Variants in TNFAIP6 observed in about 807,000 individuals in gnomAD.
TNFAIP6 encodes the protein TNF alpha induced protein 6, also known as tumor necrosis factor-inducible gene 6 protein.
Under a neutral mutation model 33.7 loss-of-function variants are expected in TNFAIP6, and 36 were observed. The observed-to-expected ratio is 1.07, with a 90% CI of 0.82 to 1.41. The LOEUF (loss-of-function observed/expected upper bound fraction) is 1.41. Among genes scored for constraint, TNFAIP6 ranks in the 40% most tolerant of loss-of-function variants. The pLI is 0.00. For synonymous variants in TNFAIP6, 113 were observed against 112.8 expected (o/e 1.00, Z -0.01); for missense variants, 273 against 331.9 (o/e 0.82, Z 1.38).
chr2:151,360,199 G>C (rs1409531051), intron 1 of TNFAIP6, among the ~76,000 whole-genome samples: 2 of 152,158 alleles, frequency 1.3e-5, no homozygotes, highest in Admixed American at 1.3e-4. Context: ...TCAGGAGGCT[G>C]AAGTGGAAGG....
At chr2:151,365,571 G>A (rs538222479) in intron 2 of TNFAIP6, among the ~76,000 whole-genome samples, 32 of 152,166 alleles carry the variant, frequency 2.1e-4, no homozygotes, top group Middle Eastern at 3.4e-3. Flanking sequence ...CCCAGGAGGC[G>A]GAGGTTGGAG....
intron 1 of TNFAIP6, among the ~76,000 whole-genome samples, chr2:151,359,499 C>G (rs1684589071): frequency 6.6e-6 from 1 of 151,754 alleles, no homozygotes; most frequent in Admixed American, 6.6e-5. Context: ...CGCCATTCTC[C>G]TGCCTCAGCC....
chr2:151,373,600 A>G lies in TNFAIP6; in HGVS notation c.664+11A>G. ...ACATCATCAGTACAGGTAAGGTTTT[A>G]AATTGAGGACCAAAACTATGATTTG... On this transcript the variant is annotated intron_variant, in intron 5 of 5. Coordinates refer to ENST00000243347, the MANE Select transcript of TNFAIP6 (RefSeq NM_007115.4). 1 of 1,500,452 alleles carries G rather than the reference A, an allele frequency of 6.7e-7. No homozygotes were observed. The highest frequency in any genetic ancestry group is 9.0e-7 in the Non-Finnish European group (1 of 1,110,286). 92.9% of individuals were successfully genotyped at this position (1,500,452 alleles called of 1,614,324 possible).
rs542316443 is a variant in TNFAIP6, at chr2:151,374,384, T to G, written c.664+795T>G. Among the ~76,000 whole-genome samples, 210 of 152,320 alleles carry G rather than the reference T, an allele frequency of 1.4e-3. 1 individual carries two copies. The highest frequency in any genetic ancestry group is 4.4e-3 in the African/African-American group (182 of 41,562). ...CTAAAAACTTCCTTTCTTACATGTA[T>G]TCAGTATTTTATTTTATTTCCATCA... On this transcript the variant is annotated intron_variant, in intron 5 of 5. Transcript: ENST00000243347.
At chr2:151,371,600 T>C (rs1684816718) in intron 4 of TNFAIP6, among the ~76,000 whole-genome samples, 1 of 151,802 alleles carries the variant, frequency 6.6e-6, no homozygotes, top group South Asian at 2.1e-4. Flanking sequence ...TTTCTTTTTT[T>C]TTTTCTTTTT....
chr2:151,368,807 G>A (rs1352137679), intron 3 of TNFAIP6, among the ~76,000 whole-genome samples: 2 of 152,056 alleles, frequency 1.3e-5, no homozygotes, highest in African/African-American at 4.8e-5. Context: ...AAGTGCTTGT[G>A]GCCCTGAAGA....
At chr2:151,379,335 T>C in intron 5 of TNFAIP6, 29 bp from the exon 6 acceptor site, 1 of 1,566,770 alleles carries the variant, frequency 6.4e-7, no homozygotes. Flanking sequence ...AGTAACATCT[T>C]TGTTCTTTTG....
At chr2:151,365,135 G>T (rs1306542498) in intron 2 of TNFAIP6, among the ~76,000 whole-genome samples, 1 of 152,132 alleles carries the variant, frequency 6.6e-6, no homozygotes, top group African/African-American at 2.4e-5. Context: ...GAGCTCAGGA[G>T]TTCAAGACCA....
chr2:151,377,501 GTTTT>G, intron 5 of TNFAIP6, among the ~76,000 whole-genome samples: 1 of 121,030 alleles, frequency 8.3e-6, no homozygotes, highest in South Asian at 2.8e-4. Flanking sequence ...TTGTTTGTTT[GTTTT>G]TTAATAAGGC....
At chr2:151,379,089 G>T (rs768935466) in intron 5 of TNFAIP6, among the ~76,000 whole-genome samples, 1 of 152,078 alleles carries the variant, frequency 6.6e-6, no homozygotes, top group Non-Finnish European at 1.5e-5. Flanking sequence ...AACAGAGTGA[G>T]TGAGACTCCA....
chr2:151,372,496 A>G (rs983336303), intron 4 of TNFAIP6, among the ~76,000 whole-genome samples: 1 of 152,224 alleles, frequency 6.6e-6, no homozygotes, highest in African/African-American at 2.4e-5. Context: ...AAATCCTTTT[A>G]CACCTATAAG....
At chr2:151,365,030 A>G (rs1684686749) in intron 2 of TNFAIP6, among the ~76,000 whole-genome samples, 3 of 152,174 alleles carry the variant, frequency 2.0e-5, no homozygotes, top group Non-Finnish European at 4.4e-5. Context: ...GAAATGTATG[A>G]GAGAATTTAT....
rs1684671966 is a variant in TNFAIP6, at chr2:151,364,019, G to A, written c.171G>A (p.Val57=). 2 of 1,614,166 alleles carry A rather than the reference G, an allele frequency of 1.2e-6. No homozygotes were observed. Among genetic ancestry groups the A allele is most frequent in the Non-Finnish European group, 1.7e-6 (2 of 1,180,034 alleles). Residue 57 remains valine, a synonymous_variant, in exon 2 of 6, where the codon GTG becomes GTA. Coordinates refer to ENST00000243347, the MANE Select transcript of TNFAIP6 (RefSeq NM_007115.4). ...YKLTYAEAKA[V]CEFEGGHLAT... is the part of the protein sequence containing the mutation. ...TCACCTACGCAGAAGCTAAGGCGGT[G>A]TGTGAATTTGAAGGCGGCCATCTCG...
In TNFAIP6 at chr2:151,363,953, C is replaced by T. The variant is rs765725814; in HGVS notation, c.105C>T (p.Ala35=). ...FHNSIWLERA[A]GVYHREARSG... ...CATCTGATTTTGCAGAACGAGCAGC[C>T]GGTGTGTACCACAGAGAAGCACGGT... The change falls in exon 2 of 6, where the codon GCC becomes GCT. Residue 35 remains alanine (A), a synonymous_variant. Transcript: ENST00000243347. The T allele has an allele frequency of 2.5e-6, 4 of 1,611,740 alleles. No homozygotes were observed. Among genetic ancestry groups the T allele is most frequent in the Admixed American group, 3.4e-5 (2 of 59,116 alleles).
At chr2:151,375,220 G>C (rs536770201) in intron 5 of TNFAIP6, among the ~76,000 whole-genome samples, 3 of 150,546 alleles carry the variant, frequency 2.0e-5, no homozygotes, top group Non-Finnish European at 4.4e-5. Flanking sequence ...TCAGTGGTGG[G>C]GTTTTATTGG....
chr2:151,359,386 ATTT>A (rs35150597), intron 1 of TNFAIP6, among the ~76,000 whole-genome samples: 2 of 130,156 alleles, frequency 1.5e-5, no homozygotes, highest in Non-Finnish European at 1.6e-5. Context: ...GCAACTCATA[ATTT>A]TTTTTTTTTT....
Position 151,364,044 on chromosome 2 carries a change from G to T in TNFAIP6, c.196G>T (p.Ala66Ser). ...GTGTGAATTTGAAGGCGGCCATCTC[G>T]CAACTTACAAGCAGCTAGAGGCAGC... ...AVCEFEGGHL[A>S]TYKQLEAARK... The change falls in exon 2 of 6, where the codon GCA (alanine) becomes TCA (serine). Residue 66 changes from alanine to serine, a missense_variant. Transcript: ENST00000243347. 1 of 1,613,938 alleles carries T rather than the reference G, an allele frequency of 6.2e-7. No homozygotes were observed. The highest frequency in any genetic ancestry group is 1.7e-5 in the Admixed American group (1 of 60,000).
At chr2:151,377,957 G>C (rs1014179079) in intron 5 of TNFAIP6, among the ~76,000 whole-genome samples, 3 of 152,150 alleles carry the variant, frequency 2.0e-5, no homozygotes, top group African/African-American at 7.2e-5. Flanking sequence ...CTGTGCCTCA[G>C]TTTCTTATCT....
Position 151,359,592 on chromosome 2 carries a change from G to T in TNFAIP6, c.94+1832G>T, listed in dbSNP as rs191680858. Among the ~76,000 whole-genome samples the T allele has an allele frequency of 2.9e-3, 448 of 152,218 alleles. 1 individual carries two copies. The highest frequency in any genetic ancestry group is 0.01 in the African/African-American group (425 of 41,530). ...TTTAGTAGAGACAGAGTTTCACCAT[G>T]TTAGCCAGGGTGGTCTCAATCTCCT... On this transcript the variant is annotated intron_variant, in intron 1 of 5. Transcript: ENST00000243347.
Sources: allele counts gnomAD v4.1 joint callset (sites outside exome capture counted in the v4.1 genomes callset), GRCh38; gene constraint gnomAD v4.1.1; transcripts MANE v1.5; gene names NCBI Gene and HGNC (gene_info 2026-07-23, HGNC 2026-07-21).